Variants in PDE9A observed in about 807,000 individuals in gnomAD.
The protein encoded by PDE9A is phosphodiesterase 9A.
A neutral mutation model predicts 87.4 loss-of-function variants in PDE9A; 60 were observed. The observed-to-expected ratio is 0.69, with a 90% CI of 0.56 to 0.85. The LOEUF is 0.85. PDE9A is among the 40% of genes least tolerant of loss of function. PDE9A has a pLI of 0.00. For missense variants in PDE9A, 665 were observed against 779.0 expected, an observed-to-expected ratio of 0.85 and a Z score of 1.74; for synonymous variants, 272 against 279.4, an observed-to-expected ratio of 0.97 and a Z score of 0.27.
chr21:42,760,197 C>T lies in PDE9A; in HGVS notation c.898-131C>T. The T allele has an allele frequency of 1.5e-6, 1 of 650,270 alleles. No homozygotes were observed. The highest frequency in any genetic ancestry group is 1.7e-5 in the South Asian group (1 of 58,476). The allele number at this position is 650,270 out of a possible 1,614,324, so 40.3% of individuals were successfully genotyped here. A position where few individuals can be genotyped will look rare whatever the true frequency, so the allele number is the denominator to read the frequency against. The stretch of plus-strand genomic sequence containing the variant: ...TGGTACCTGTGGTAAACCTGGAACA[C>T]TGTTGACCTCTGGTTGGGATGAGGG... On this transcript the variant is annotated intron_variant, in intron 11 of 19. Coordinates refer to ENST00000291539, the MANE Select transcript of PDE9A (RefSeq NM_002606.3). The surrounding 1 kb of genome is among the most constrained non-coding windows in gnomAD (Gnocchi z 5.2).
intron 14 of PDE9A, among the ~76,000 whole-genome samples, chr21:42,763,480 C>T (rs1427899321): frequency 1.3e-5 from 2 of 152,186 alleles, no homozygotes; most frequent in South Asian, 2.1e-4. Flanking sequence ...TAAGGGACTT[C>T]GGGGCCCCCA....
At chr21:42,680,824 G>A (rs1354347918) in intron 1 of PDE9A, among the ~76,000 whole-genome samples, 1 of 152,224 alleles carries the variant, frequency 6.6e-6, no homozygotes, top group Non-Finnish European at 1.5e-5. Context: ...CCCAAGAAAC[G>A]GTGGGAACAG....
chr21:42,755,495 T>A (rs1218600189), intron 10 of PDE9A, among the ~76,000 whole-genome samples: 1 of 152,170 alleles, frequency 6.6e-6, no homozygotes, highest in Non-Finnish European at 1.5e-5. Flanking sequence ...GGCAACTTGC[T>A]CCCCAGCTCT....
chr21:42,670,279 T>A (rs940755534), intron 1 of PDE9A, among the ~76,000 whole-genome samples: 5 of 141,452 alleles, frequency 3.5e-5, no homozygotes, highest in African/African-American at 1.4e-4. Flanking sequence ...ATTCACACAT[T>A]CACACATACA....
chr21:42,734,063 C>T (rs1325778710), intron 7 of PDE9A: 1 of 152,100 alleles, frequency 6.6e-6, no homozygotes, highest in East Asian at 2.0e-4. Flanking sequence ...TTGGAGGCTT[C>T]TCGAGGCCTC....
rs759156205 is a variant in PDE9A at position 42,759,566 on chromosome 21, TG to T, written c.897+486del. ...TGAGTGTGGGGTGTGGGTGTGAGCA[TG>T]GGGGTATCTGAGTTTACGGGTGGGT... is the stretch of plus-strand genomic sequence containing the variant. On this transcript the variant is annotated intron_variant, in intron 11 of 19. Transcript: ENST00000291539. This position sits in a 1 kb window ranked among gnomAD's most constrained non-coding sequence, Gnocchi z 7.2. Among the ~76,000 whole-genome samples the T allele has an allele frequency of 4.8e-5, 7 of 147,200 alleles. No homozygotes were observed. The highest frequency in any genetic ancestry group is 3.7e-3 in the Middle Eastern group (1 of 272).
rs1467723820 is a variant in PDE9A, at chr21:42,653,872, C to A, written c.58C>A (p.Arg20Ser). 1 of 1,559,148 alleles carries A rather than the reference C, an allele frequency of 6.4e-7. No homozygotes were observed. The highest frequency in any genetic ancestry group is 8.7e-7 in the Non-Finnish European group (1 of 1,151,124). Residue 20 changes from arginine to serine, a missense_variant, in exon 1 of 20, where the codon CGC becomes AGC. By Grantham distance (110) the Arg-to-Ser change is moderately radical (BLOSUM62 -1). Coordinates refer to ENST00000291539, the MANE Select transcript of PDE9A (RefSeq NM_002606.3). ...GGCCATCTACCTGGACATCGATGGA[C>A]GCATTCAGAAGGTAGCCCCTCCCCC... is the stretch of plus-strand genomic sequence containing the variant. The part of the protein sequence containing the change: ...PKAIYLDIDG[R>S]IQKVIFSKYC...
At chr21:42,745,390 GC>G (rs2053738661) in intron 8 of PDE9A, among the ~76,000 whole-genome samples, 1 of 152,240 alleles carries the variant, frequency 6.6e-6, no homozygotes, top group Admixed American at 6.5e-5. Flanking sequence ...GGGAAGTCAG[GC>G]CATAGTTTGT....
Position 42,695,381 on chromosome 21 carries a change from C to T in PDE9A, c.219-3587C>T, listed in dbSNP as rs1364474341. Among the ~76,000 whole-genome samples, 1 of 152,186 alleles carries T rather than the reference C, an allele frequency of 6.6e-6. No individual in the cohort carries two copies. Among genetic ancestry groups the T allele is most frequent in the East Asian group, 1.9e-4 (1 of 5,188 alleles). ...GGGCGTTGCTTCCTGACAACCCTACCCCTTCCATTCCCCAGTCACTACTGC... is the reference window on the plus strand; with the variant it reads ...GGGCGTTGCTTCCTGACAACCCTACTCCTTCCATTCCCCAGTCACTACTGC... On this transcript the variant is annotated intron_variant, in intron 3 of 19. Coordinates refer to ENST00000291539, the MANE Select transcript of PDE9A (RefSeq NM_002606.3). The surrounding 1 kb of genome is among the most constrained non-coding windows in gnomAD (Gnocchi z 4.3).
At chr21:42,654,012 T>G in intron 1 of PDE9A, 129 bp downstream of exon 1, 2 of 250,114 alleles carry the variant, frequency 8.0e-6, no homozygotes, top group African/African-American at 2.6e-5. Flanking sequence ...CCGCCAGCTC[T>G]GGTCGGGGGC....
At chr21:42,662,867 TACACACCACACACAGCACACACAAAA>T (rs1329601222) in intron 1 of PDE9A, among the ~76,000 whole-genome samples, 1 of 93,790 alleles carries the variant, frequency 1.1e-5, no homozygotes, top group Non-Finnish European at 2.1e-5. Flanking sequence ...ATCACACACG[TACACACCACACACAGCACACACAAAA>T]ACACACCACA....
At chr21:42,752,211 C>CCAAACAATGT in intron 9 of PDE9A, among the ~76,000 whole-genome samples, 1 of 152,300 alleles carries the variant, frequency 6.6e-6, no homozygotes, top group African/African-American at 2.4e-5. Flanking sequence ...GTCCGTGATT[C>CCAAACAATGT]TATCCACGCA....
At chr21:42,750,701 G>T (rs113035752) in intron 8 of PDE9A, among the ~76,000 whole-genome samples, 2,411 of 152,096 alleles carry the variant, frequency 0.016, 56 homozygotes, top group African/African-American at 0.053. Context: ...TTAGCCTCCC[G>T]AGTAGCTGGG....
rs543514868 is a variant in PDE9A, at chr21:42,663,814, G to A, written c.69+9931G>A. Among the ~76,000 whole-genome samples the A allele has an allele frequency of 1.8e-3, 273 of 152,262 alleles. 1 individual carries two copies. The highest frequency in any genetic ancestry group is 6.2e-3 in the African/African-American group (258 of 41,564). On this transcript the variant is annotated intron_variant, in intron 1 of 19. Transcript: ENST00000291539. ...CCCATCCTATTTCTTCCAGGTAGTCGTCTGCCCAGCACCTCCCCTCCCAGG... is the reference window on the plus strand; with the variant it reads ...CCCATCCTATTTCTTCCAGGTAGTCATCTGCCCAGCACCTCCCCTCCCAGG...
At chr21:42,751,994 G>A (rs574417952) in intron 9 of PDE9A, among the ~76,000 whole-genome samples, 3 of 151,464 alleles carry the variant, frequency 2.0e-5, no homozygotes, top group Non-Finnish European at 2.9e-5. Context: ...CAGGTGATCC[G>A]CCTGCCTCGG....
intron 4 of PDE9A, among the ~76,000 whole-genome samples, chr21:42,731,544 G>A (rs2051749949): frequency 6.6e-6 from 1 of 152,170 alleles, no homozygotes; most frequent in South Asian, 2.1e-4. Context: ...CCTGGACCTT[G>A]TAAAGCCAGC....
intron 7 of PDE9A, among the ~76,000 whole-genome samples, chr21:42,735,250 G>A (rs756148350): frequency 5.2e-4 from 79 of 152,122 alleles, no homozygotes; most frequent in Non-Finnish European, 9.4e-4. Flanking sequence ...TAGGTCCCCC[G>A]GAGGCTCCAC....
At chr21:42,750,164 T>A (rs1035402823) in intron 8 of PDE9A, among the ~76,000 whole-genome samples, 2 of 151,926 alleles carry the variant, frequency 1.3e-5, no homozygotes, top group Admixed American at 6.6e-5. Flanking sequence ...ATAAAAATTT[T>A]AAAAAGTACA....
intron 4 of PDE9A, among the ~76,000 whole-genome samples, chr21:42,708,616 G>A (rs2049032593): frequency 6.6e-6 from 1 of 152,120 alleles, no homozygotes. Context: ...GTGCAGTGGC[G>A]CGATCTCGGC....
Sources: allele counts gnomAD v4.1 joint callset (sites outside exome capture counted in the v4.1 genomes callset), GRCh38; gene constraint gnomAD v4.1.1; non-coding constraint Gnocchi (gnomAD v3.1); transcripts MANE v1.5; gene names NCBI Gene and HGNC (gene_info 2026-07-23, HGNC 2026-07-21).